The following TRIM44 variants were observed in gnomAD, a reference collection of about 807,000 sequenced individuals.
The protein encoded by TRIM44 is tripartite motif containing 44, also known as tripartite motif-containing protein 44.
A neutral mutation model predicts 37.4 loss-of-function variants in TRIM44; 13 were observed. The ratio of observed to expected loss-of-function variants is 0.35; its 90% confidence interval spans 0.23 to 0.55. TRIM44 has a LOEUF of 0.55. Ranked by LOEUF, TRIM44 falls within the 20% of genes least tolerant of loss-of-function variation. The pLI is 0.89. For synonymous variants in TRIM44, 175 were observed against 157.2 expected, an observed-to-expected ratio of 1.11 and a Z score of -0.85; for missense variants, 426 against 437.2, an observed-to-expected ratio of 0.97 and a Z score of 0.23.
chr11:35,782,560 A>T (rs989441238), intron 4 of TRIM44, among the ~76,000 whole-genome samples: 1 of 152,154 alleles, frequency 6.6e-6, no homozygotes, highest in Non-Finnish European at 1.5e-5. Flanking sequence ...CATTTCCTTC[A>T]TGCTTGTTGC....
intron 4 of TRIM44, among the ~76,000 whole-genome samples, chr11:35,796,698 A>AC (rs1239951318): frequency 6.6e-6 from 1 of 152,172 alleles, no homozygotes; most frequent in African/African-American, 2.4e-5. Context: ...ATCCAGCAGC[A>AC]CTGGGGGGAG....
At chr11:35,747,889 G>A (rs1048091444) in intron 4 of TRIM44, among the ~76,000 whole-genome samples, 4 of 149,966 alleles carry the variant, frequency 2.7e-5, no homozygotes, top group African/African-American at 9.8e-5. Flanking sequence ...ACGGTGCGGG[G>A]CAGGGAGAAA....
chr11:35,694,607 A>G (rs1468840043), intron 2 of TRIM44, among the ~76,000 whole-genome samples: 1 of 152,112 alleles, frequency 6.6e-6, no homozygotes, highest in Non-Finnish European at 1.5e-5. Flanking sequence ...TAAGAGTCTT[A>G]TGATAGTAGA....
chr11:35,775,827 A>G (rs924677632), intron 4 of TRIM44, among the ~76,000 whole-genome samples: 4 of 152,168 alleles, frequency 2.6e-5, no homozygotes, highest in Admixed American at 2.6e-4. Context: ...AGCCCACTTG[A>G]TCATGGTGGA....
intron 2 of TRIM44, among the ~76,000 whole-genome samples, chr11:35,709,995 T>G (rs1369973640): frequency 6.6e-6 from 1 of 152,114 alleles, no homozygotes; most frequent in Non-Finnish European, 1.5e-5. Context: ...AAATTGGAAG[T>G]GAGGTACAGA....
intron 2 of TRIM44, among the ~76,000 whole-genome samples, chr11:35,701,087 G>A (rs1392683568): frequency 6.6e-6 from 1 of 152,082 alleles, no homozygotes; most frequent in Non-Finnish European, 1.5e-5. Flanking sequence ...AAAGCATGCA[G>A]TTTCTAAGGC....
At chr11:35,791,682 C>T (rs1383031620) in intron 4 of TRIM44, among the ~76,000 whole-genome samples, 2 of 152,180 alleles carry the variant, frequency 1.3e-5, no homozygotes, top group Admixed American at 1.3e-4. Flanking sequence ...CTGGCATACC[C>T]CCCGCTCCTT....
At chr11:35,711,168 C>A (rs1442122389) in intron 2 of TRIM44, among the ~76,000 whole-genome samples, 1 of 152,170 alleles carries the variant, frequency 6.6e-6, no homozygotes, top group Non-Finnish European at 1.5e-5. Flanking sequence ...AAATTGTATA[C>A]TTTAAATGGG....
At chr11:35,727,334 A>C (rs1460489972) in intron 3 of TRIM44, among the ~76,000 whole-genome samples, 4 of 152,206 alleles carry the variant, frequency 2.6e-5, no homozygotes, top group Non-Finnish European at 5.9e-5. Flanking sequence ...TTGCTGACTC[A>C]GCAAGTCCAT....
intron 4 of TRIM44, among the ~76,000 whole-genome samples, chr11:35,772,192 C>T (rs1284595357): frequency 1.3e-5 from 2 of 152,210 alleles, no homozygotes; most frequent in Non-Finnish European, 2.9e-5. Flanking sequence ...GAACCTCCAC[C>T]TAGATTTCAG....
intron 3 of TRIM44, among the ~76,000 whole-genome samples, chr11:35,731,029 A>G (rs1434727984): frequency 6.6e-6 from 1 of 152,080 alleles, no homozygotes; most frequent in Non-Finnish European, 1.5e-5. Flanking sequence ...CAATTATGCC[A>G]TCTACAAATA....
At chr11:35,761,977 G>A (rs992903436) in intron 4 of TRIM44, among the ~76,000 whole-genome samples, 1 of 152,236 alleles carries the variant, frequency 6.6e-6, no homozygotes, top group African/African-American at 2.4e-5. Flanking sequence ...CACCTGGAGA[G>A]ATTTGAGCAG....
At chr11:35,747,091 C>T (rs1273346225) in intron 4 of TRIM44, among the ~76,000 whole-genome samples, 1 of 152,130 alleles carries the variant, frequency 6.6e-6, no homozygotes, top group Non-Finnish European at 1.5e-5. Context: ...CTGCTAGATG[C>T]ATCTTGGTCT....
intron 2 of TRIM44, among the ~76,000 whole-genome samples, chr11:35,688,762 C>T (rs1017223896): frequency 6.6e-5 from 10 of 152,166 alleles, no homozygotes; most frequent in South Asian, 2.1e-4. Context: ...GCTGTGCCCA[C>T]CTCCAGAGTT....
chr11:35,789,299 T>C (rs1443915037), intron 4 of TRIM44, among the ~76,000 whole-genome samples: 1 of 152,162 alleles, frequency 6.6e-6, no homozygotes, highest in Non-Finnish European at 1.5e-5. Context: ...TTGAGTCTGA[T>C]TGGGACTGAG....
intron 4 of TRIM44, among the ~76,000 whole-genome samples, chr11:35,800,955 CAGTT>C (rs796886787): frequency 2.8e-4 from 42 of 152,286 alleles, no homozygotes; most frequent in Admixed American, 9.8e-4. Flanking sequence ...ATGTTTTTCT[CAGTT>C]AGCCCAAAAT....
Position 35,778,983 on chromosome 11 carries a change from A to G in TRIM44, c.1008-27375A>G, listed in dbSNP as rs556711175. 4.6e-5 allele frequency among the ~76,000 whole-genome samples: 7 copies of G among 152,332 alleles called. No homozygotes were observed. In the South Asian group the frequency reaches 1.5e-3, roughly 32 times the overall value. ...ACTACTCTCTTCAAAGCTGTCAGACAGGGACACTTAAGTCTGCTTGTTTCT... is the reference window on the plus strand; with the variant it reads ...ACTACTCTCTTCAAAGCTGTCAGACGGGGACACTTAAGTCTGCTTGTTTCT... On this transcript the variant is annotated intron_variant, in intron 4 of 4. Transcript: ENST00000299413.
chr11:35,670,602 C>T (rs1851383409), intron 1 of TRIM44, among the ~76,000 whole-genome samples: 1 of 152,282 alleles, frequency 6.6e-6, no homozygotes, highest in African/African-American at 2.4e-5. Flanking sequence ...TCATGTATAG[C>T]AGCTGGAAAT....
At chr11:35,676,580 A>G (rs1159517737) in intron 1 of TRIM44, among the ~76,000 whole-genome samples, 1 of 152,186 alleles carries the variant, frequency 6.6e-6, no homozygotes, top group Non-Finnish European at 1.5e-5. Flanking sequence ...TCTGTTTTAC[A>G]TTCTGAACTG....
Sources: allele counts gnomAD v4.1 joint callset (sites outside exome capture counted in the v4.1 genomes callset), GRCh38; gene constraint gnomAD v4.1.1; transcripts MANE v1.5; gene names NCBI Gene and HGNC (gene_info 2026-07-23, HGNC 2026-07-21).